The following PHLPP1 variants were observed in gnomAD, a reference collection of about 807,000 sequenced individuals.
The protein encoded by PHLPP1 is PH domain leucine-rich repeat-containing protein phosphatase 1.
A neutral mutation model predicts 117.2 loss-of-function variants in PHLPP1; 42 were observed. The ratio of observed to expected loss-of-function variants is 0.36; its 90% CI spans 0.28 to 0.46. The LOEUF is 0.46. PHLPP1 is among the 20% of genes least tolerant of loss of function. The probability of loss-of-function intolerance (pLI) is 1.00; values close to 1 mark genes in which losing one functional copy is unlikely to be tolerated. For synonymous variants in PHLPP1, 1,042 were observed against 970.7 expected, an observed-to-expected ratio of 1.07 and a Z score of -1.37; for missense variants, 2,084 against 2,241.9, an observed-to-expected ratio of 0.93 and a Z score of 1.42.
intron 1 of PHLPP1, among the ~76,000 whole-genome samples, chr18:62,815,658 A>G (rs1255394614): frequency 6.6e-6 from 1 of 152,186 alleles, no homozygotes; most frequent in Non-Finnish European, 1.5e-5. Context: ...ATATGCTTTT[A>G]TGACCTAGTT....
chr18:62,769,208 A>G (rs2144263254), intron 1 of PHLPP1, among the ~76,000 whole-genome samples: 1 of 152,306 alleles, frequency 6.6e-6, no homozygotes, highest in Middle Eastern at 3.4e-3. Context: ...GATCAGAAAT[A>G]TATTTGAATT....
At chr18:62,730,790 C>CAAAA (rs34266723) in intron 1 of PHLPP1, among the ~76,000 whole-genome samples, 2 of 70,602 alleles carry the variant, frequency 2.8e-5, no homozygotes, top group Non-Finnish European at 5.9e-5. Flanking sequence ...AACTTTGTCT[C>CAAAA]AAAAAAAAAA....
chr18:62,917,780 CT>C (rs1304811226), intron 9 of PHLPP1, among the ~76,000 whole-genome samples: 1 of 151,670 alleles, frequency 6.6e-6, no homozygotes, highest in African/African-American at 2.4e-5. Context: ...CATCACTGCA[CT>C]CCAGCCTGGG....
intron 14 of PHLPP1, among the ~76,000 whole-genome samples, chr18:62,969,395 A>G (rs1242021582): frequency 6.6e-6 from 1 of 152,096 alleles, no homozygotes; most frequent in Admixed American, 6.5e-5. Context: ...GCTTTGTATG[A>G]CTTGAATCCT....
intron 1 of PHLPP1, among the ~76,000 whole-genome samples, chr18:62,729,617 G>C (rs1201613528): frequency 1.3e-5 from 2 of 152,100 alleles, no homozygotes; most frequent in Non-Finnish European, 2.9e-5. Context: ...GGAGGTTGCC[G>C]TGAGCTGAGA....
Position 62,915,015 on chromosome 18 carries a change from AT to A in PHLPP1, c.2804+9del. On this transcript the variant is annotated splice_region_variant and intron_variant, in intron 9 of 16. Coordinates refer to ENST00000262719, the MANE Select transcript of PHLPP1 (RefSeq NM_194449.4). ...TATGTGAACTTCCTGCCCGGTGAGT[AT>A]TACAGATCAAATGAGAGGATCTCAC... 1.3e-6 allele frequency: 2 copies of A among 1,587,028 alleles called. No individual in the cohort carries two copies. Among genetic ancestry groups the A allele is most frequent in the Non-Finnish European group, 1.7e-6 (2 of 1,158,738 alleles).
intron 1 of PHLPP1, among the ~76,000 whole-genome samples, chr18:62,765,116 T>TA (rs1912423567): frequency 1.3e-5 from 2 of 152,238 alleles, no homozygotes; most frequent in African/African-American, 4.8e-5. Flanking sequence ...TCAGGATTGT[T>TA]ACCGTGAAAT....
rs367669597 is a variant in PHLPP1, at chr18:62,972,583, C to T, written c.3630C>T (p.Asp1210=). 2.1e-5 allele frequency: 34 copies of T among 1,613,730 alleles called. No individual in the cohort carries two copies. Among genetic ancestry groups the T allele is most frequent in the African/African-American group, 1.3e-4 (10 of 74,900 alleles). The change falls in exon 15 of 17, where the codon GAC becomes GAT. Residue 1210 remains aspartate (D), a synonymous_variant. Coordinates refer to ENST00000262719, the MANE Select transcript of PHLPP1 (RefSeq NM_194449.4). ...DNREALYGVF[D]GDRNVEVPYL... ...GCGAAGCCCTGTATGGTGTGTTTGA[C>T]GGAGACCGGAATGTGGAGGTGCCCT...
intron 4 of PHLPP1, among the ~76,000 whole-genome samples, chr18:62,864,935 T>C (rs559847235): frequency 4.6e-5 from 7 of 152,372 alleles, no homozygotes; most frequent in African/African-American, 1.7e-4. Context: ...AATTTTTCTG[T>C]CTTCAGTCTC....
intron 1 of PHLPP1, chr18:62,825,429 A>G: frequency 6.8e-6 from 1 of 147,436 alleles, no homozygotes; most frequent in East Asian, 2.0e-4. Flanking sequence ...ATTTTATTAC[A>G]TATTATATTT....
chr18:62,754,833 A>G (rs1369852451), intron 1 of PHLPP1, among the ~76,000 whole-genome samples: 1 of 152,218 alleles, frequency 6.6e-6, no homozygotes, highest in African/African-American at 2.4e-5. Flanking sequence ...AATAGAAAGT[A>G]GGAATTGCCA....
At chr18:62,864,738 C>T (rs937799470) in intron 4 of PHLPP1, among the ~76,000 whole-genome samples, 5 of 152,214 alleles carry the variant, frequency 3.3e-5, no homozygotes, top group African/African-American at 9.6e-5. Flanking sequence ...GATTCCAGTA[C>T]CTGCCCAGAA....
At chr18:62,824,467 G>T (rs901577306) in intron 1 of PHLPP1, among the ~76,000 whole-genome samples, 1 of 152,136 alleles carries the variant, frequency 6.6e-6, no homozygotes, top group Non-Finnish European at 1.5e-5. Context: ...TTGCCTGAGC[G>T]CGGGAGGAAC....
At chr18:62,879,300 G>A (rs1324972952) in intron 4 of PHLPP1, among the ~76,000 whole-genome samples, 2 of 152,204 alleles carry the variant, frequency 1.3e-5, no homozygotes, top group Non-Finnish European at 2.9e-5. Context: ...GACACAGCAA[G>A]AAGGCCCTCA....
chr18:62,961,818 G>A (rs1045317931), intron 13 of PHLPP1, among the ~76,000 whole-genome samples: 2 of 152,092 alleles, frequency 1.3e-5, no homozygotes, highest in Non-Finnish European at 2.9e-5. Context: ...TGTTTTTCAA[G>A]ACAAGATGGA....
chr18:62,879,390 A>G (rs1477320696), intron 4 of PHLPP1, among the ~76,000 whole-genome samples: 7 of 151,264 alleles, frequency 4.6e-5, no homozygotes, highest in East Asian at 3.9e-4. Flanking sequence ...AAATTACCCA[A>G]TGGTATTCTG....
At chr18:62,963,861 G>A (rs1013314863) in intron 14 of PHLPP1, among the ~76,000 whole-genome samples, 3 of 152,260 alleles carry the variant, frequency 2.0e-5, no homozygotes, top group Non-Finnish European at 4.4e-5. Context: ...TAGCTTAATT[G>A]TGCATATTTA....
chr18:62,802,083 A>T (rs1219832282), intron 1 of PHLPP1, among the ~76,000 whole-genome samples: 1 of 152,068 alleles, frequency 6.6e-6, no homozygotes, highest in African/African-American at 2.4e-5. Context: ...GTGAGCACCC[A>T]GAGGCAAAGA....
At chr18:62,950,786 G>A (rs34750151) in intron 12 of PHLPP1, among the ~76,000 whole-genome samples, 8,778 of 152,146 alleles carry the variant, frequency 0.058, 380 homozygotes, top group Non-Finnish European at 0.087. Context: ...CAACCGTTGC[G>A]GAATCTAATG....
Sources: gnomAD v4.1 joint callset for allele counts (sites outside exome capture counted in the v4.1 genomes callset) on GRCh38, gnomAD v4.1.1 for gene constraint, MANE v1.5 for transcripts, NCBI Gene and HGNC (gene_info 2026-07-23, HGNC 2026-07-21) for gene names.